MMS22L: variants seen among roughly 807,000 people sequenced by gnomAD.
MMS22L encodes protein MMS22-like.
In MMS22L, 74 loss-of-function variants were observed where a neutral mutation model predicts 159.1. The observed-to-expected ratio is 0.47, with a 90% CI of 0.39 to 0.56. MMS22L has a LOEUF of 0.56. MMS22L is among the 20% of genes least tolerant of loss of function. MMS22L has a pLI of 0.00. For missense variants in MMS22L, 1,351 were observed against 1,422.1 expected (o/e 0.95, Z 0.80); for synonymous variants, 517 against 506.9 (o/e 1.02, Z -0.27).
At chr6:97,274,981 G>C (rs754667719) in intron 4 of MMS22L, among the ~76,000 whole-genome samples, 2 of 152,096 alleles carry the variant, frequency 1.3e-5, no homozygotes, top group African/African-American at 4.8e-5. Flanking sequence ...AACATTAAAG[G>C]CTGCTTTTTA....
At chr6:97,178,659 T>C in intron 17 of MMS22L, 74 bp from the exon 18 acceptor site, 1 of 677,514 alleles carries the variant, frequency 1.5e-6, no homozygotes, top group East Asian at 3.1e-5. Flanking sequence ...ATACAACATA[T>C]ATATAATGTA....
intron 14 of MMS22L, among the ~76,000 whole-genome samples, chr6:97,191,480 CT>C (rs1295983107): frequency 6.7e-6 from 1 of 149,994 alleles, no homozygotes; most frequent in African/African-American, 2.5e-5. Flanking sequence ...TATTGATGGA[CT>C]TTTCATCACA....
intron 14 of MMS22L, among the ~76,000 whole-genome samples, chr6:97,200,837 T>C (rs545045343): frequency 5.9e-5 from 9 of 152,226 alleles, no homozygotes; most frequent in Non-Finnish European, 7.4e-5. Context: ...TCCTGTGAAT[T>C]TTAACTAGAA....
chr6:97,276,441 CGT>C (rs1816250937), intron 4 of MMS22L, among the ~76,000 whole-genome samples: 3 of 151,276 alleles, frequency 2.0e-5, no homozygotes, highest in Non-Finnish European at 4.4e-5. Context: ...AGTTATTCTA[CGT>C]AAAGGTAAAG....
At position 97,254,435 on chromosome 6, in the gene MMS22L, A is replaced by T. The variant is rs546843457; in HGVS notation, c.1119+122T>A. Reference sequence around the variant, plus strand: ...ATGTTTACAGAAACATTATACATAAATAATTTATCTCTGTGATTGTAGTCT... The same window carrying T: ...ATGTTTACAGAAACATTATACATAATTAATTTATCTCTGTGATTGTAGTCT... On this transcript the variant is annotated intron_variant, in intron 10 of 24. Transcript: ENST00000683635. The T allele has an allele frequency of 3.7e-5, 24 of 656,526 alleles. No individual in the cohort carries two copies. In the East Asian group the frequency reaches 6.4e-4, roughly 17 times the overall value. 40.7% of individuals were successfully genotyped at this position (656,526 alleles called of 1,614,324 possible). A position where few individuals can be genotyped will look rare whatever the true frequency, so the allele number is the denominator to read the frequency against.
chr6:97,191,725 C>T (rs1805883703), intron 14 of MMS22L, among the ~76,000 whole-genome samples: 1 of 152,190 alleles, frequency 6.6e-6, no homozygotes, highest in Admixed American at 6.5e-5. Context: ...CCATTTTTAG[C>T]TTCAGCTAAA....
Position 97,267,953 on chromosome 6 carries a change from T to A in MMS22L, c.747A>T (p.Leu249Phe). The A allele has an allele frequency of 6.2e-7, 1 of 1,608,296 alleles. No individual in the cohort carries two copies. Residue 249 changes from leucine to phenylalanine, a missense_variant, in exon 8 of 25, where the codon TTA (leucine) becomes TTT (phenylalanine). Physicochemically the swap from Leu to Phe is conservative, Grantham distance 22. Coordinates refer to ENST00000683635, the MANE Select transcript of MMS22L (RefSeq NM_001350599.2). Reference sequence around the variant, plus strand: ...GTTCTTCAAATAGGCTGATGTTGGTTAAATTGTCACTTGCCAGATTCATAA... The same window carrying A: ...GTTCTTCAAATAGGCTGATGTTGGTAAAATTGTCACTTGCCAGATTCATAA... ...HQFMNLASDN[L>F]TNISLFEEHC...
intron 9 of MMS22L, chr6:97,261,004 T>G (rs1461063531): frequency 6.6e-6 from 1 of 152,204 alleles, no homozygotes; most frequent in Non-Finnish European, 1.5e-5. Flanking sequence ...TTTTGCCTTC[T>G]ACAGAAACTC....
intron 4 of MMS22L, among the ~76,000 whole-genome samples, chr6:97,277,790 T>C (rs944954511): frequency 6.6e-6 from 1 of 152,158 alleles, no homozygotes; most frequent in Admixed American, 6.5e-5. Context: ...CACAAGTCCC[T>C]TCCTACTCCC....
chr6:97,242,198 C>T (rs932016598), intron 11 of MMS22L, among the ~76,000 whole-genome samples: 2 of 152,124 alleles, frequency 1.3e-5, no homozygotes, highest in African/African-American at 4.8e-5. Context: ...CAGTAGAGTA[C>T]TGAAGTCCCC....
intron 18 of MMS22L, 56 bp from the exon 19 acceptor site, chr6:97,173,278 G>A: frequency 1.3e-6 from 2 of 1,533,016 alleles, no homozygotes; most frequent in Non-Finnish European, 1.8e-6. Flanking sequence ...ATAAAGATTT[G>A]GAACATAAAG....
intron 19 of MMS22L, among the ~76,000 whole-genome samples, chr6:97,172,401 GA>G (rs1478984512): frequency 6.6e-6 from 1 of 151,052 alleles, no homozygotes; most frequent in Non-Finnish European, 1.5e-5. Context: ...AGAAATAAAG[GA>G]AAAAAACAAA....
intron 9 of MMS22L, among the ~76,000 whole-genome samples, chr6:97,255,384 T>C (rs1813689517): frequency 6.6e-6 from 1 of 152,122 alleles, no homozygotes; most frequent in Non-Finnish European, 1.5e-5. Context: ...ATTGAGTATT[T>C]TTGTAACCAT....
intron 19 of MMS22L, among the ~76,000 whole-genome samples, chr6:97,172,707 T>C (rs1803672916): frequency 6.6e-6 from 1 of 152,202 alleles, no homozygotes; most frequent in Non-Finnish European, 1.5e-5. Context: ...GATAGTTTTC[T>C]GATGTTTTTA....
intron 9 of MMS22L, chr6:97,261,288 GAAC>G (rs1814455634): frequency 6.6e-6 from 1 of 152,100 alleles, no homozygotes; most frequent in African/African-American, 2.4e-5. Flanking sequence ...GCTGACGTTT[GAAC>G]AACACGGGTT....
At chr6:97,218,590 A>C (rs1809281772) in intron 14 of MMS22L, among the ~76,000 whole-genome samples, 1 of 152,160 alleles carries the variant, frequency 6.6e-6, no homozygotes, top group African/African-American at 2.4e-5. Flanking sequence ...TTGTTGAATA[A>C]ATTGTTTTTC....
chr6:97,159,223 T>C (rs1355291837), intron 22 of MMS22L, among the ~76,000 whole-genome samples: 2 of 151,916 alleles, frequency 1.3e-5, no homozygotes, highest in Non-Finnish European at 2.9e-5. Flanking sequence ...TCTTGAATAC[T>C]GCACATTGAT....
At chr6:97,212,282 A>G (rs1317455732) in intron 14 of MMS22L, among the ~76,000 whole-genome samples, 1 of 152,212 alleles carries the variant, frequency 6.6e-6, no homozygotes, top group Admixed American at 6.5e-5. Flanking sequence ...TTCATGCATA[A>G]GCACAAAATT....
At chr6:97,171,620 C>A (rs1261552757) in intron 19 of MMS22L, among the ~76,000 whole-genome samples, 2 of 152,148 alleles carry the variant, frequency 1.3e-5, no homozygotes, top group Non-Finnish European at 2.9e-5. Flanking sequence ...ATCACAGATG[C>A]CTTCTCCTTA....
Sources: gnomAD v4.1 joint callset for allele counts (sites outside exome capture counted in the v4.1 genomes callset) on GRCh38, gnomAD v4.1.1 for gene constraint, MANE v1.5 for transcripts, NCBI Gene and HGNC (gene_info 2026-07-23, HGNC 2026-07-21) for gene names.